Variants in KIAA0825 observed in about 807,000 individuals in gnomAD.
KIAA0825 encodes uncharacterized protein KIAA0825.
In KIAA0825, 119 loss-of-function variants were observed where a neutral mutation model predicts 147.6. The observed-to-expected ratio is 0.81, with a 90% CI of 0.69 to 0.94. KIAA0825 has a LOEUF of 0.94. KIAA0825 is among the 40% of genes least tolerant of loss of function. The pLI is 0.00. For synonymous variants in KIAA0825, 470 were observed against 518.1 expected (o/e 0.91, Z 1.26); for missense variants, 1,381 against 1,472.7 (o/e 0.94, Z 1.02).
intron 20 of KIAA0825, among the ~76,000 whole-genome samples, chr5:94,202,890 C>T (rs1771826524): frequency 6.6e-6 from 1 of 152,182 alleles, no homozygotes; most frequent in Admixed American, 6.5e-5. Flanking sequence ...TATTCTTTCT[C>T]AGAGCCTTTT....
chr5:94,225,786 C>T (rs961768351), intron 20 of KIAA0825, among the ~76,000 whole-genome samples: 2 of 152,114 alleles, frequency 1.3e-5, no homozygotes, highest in South Asian at 2.1e-4. Context: ...GACATTCTCC[C>T]AGTGGGAATA....
chr5:94,407,507 C>T (rs1369056053), intron 15 of KIAA0825, among the ~76,000 whole-genome samples: 1 of 151,988 alleles, frequency 6.6e-6, no homozygotes, highest in Non-Finnish European at 1.5e-5. Context: ...GGACTATTAA[C>T]AATAAAAAGA....
chr5:94,520,053 A>G (rs1194315406), intron 5 of KIAA0825, 195 bp downstream of exon 5: 3 of 1,137,956 alleles, frequency 2.6e-6, no homozygotes, highest in East Asian at 3.1e-5. Flanking sequence ...TAACAATTTA[A>G]TAAGAAAGAA....
At chr5:94,527,702 A>G (rs1183441550) in intron 3 of KIAA0825, among the ~76,000 whole-genome samples, 2 of 152,046 alleles carry the variant, frequency 1.3e-5, no homozygotes, top group Non-Finnish European at 2.9e-5. Context: ...TTACACTGAA[A>G]TTTCGATTCT....
chr5:94,265,358 A>C (rs1292092918), intron 20 of KIAA0825, among the ~76,000 whole-genome samples: 1 of 152,178 alleles, frequency 6.6e-6, no homozygotes, highest in Non-Finnish European at 1.5e-5. Flanking sequence ...CAATTTTTAT[A>C]CTACTACTAA....
intron 15 of KIAA0825, among the ~76,000 whole-genome samples, chr5:94,405,430 T>C (rs1408313402): frequency 1.3e-5 from 2 of 152,086 alleles, no homozygotes; most frequent in African/African-American, 2.4e-5. Context: ...AGTAAAAAGG[T>C]TTGGTTTAAA....
intron 20 of KIAA0825, among the ~76,000 whole-genome samples, chr5:94,270,999 AAGAAAAATGTATTTTTTT>A (rs1425641905): frequency 6.6e-6 from 1 of 152,178 alleles, no homozygotes; most frequent in East Asian, 1.9e-4. Context: ...TGCATTGGAG[AAGAAAAATGTATTTTTTT>A]AGAAAAATGT....
rs1784296470 is a variant in KIAA0825, at chr5:94,356,654, A to G, written c.3710+27714T>C. 2.0e-5 allele frequency among the ~76,000 whole-genome samples: 3 copies of G among 150,938 alleles called. No individual in the cohort carries two copies. The South Asian group carries it at 6.2e-4, about 31-fold the overall frequency. ...AAAAAAACACATGAACTACATATTC[A>G]TTTGAAAATTTCATTTTGTCATGGG... is the stretch of plus-strand genomic sequence containing the variant. On this transcript the variant is annotated intron_variant, in intron 20 of 20. Coordinates refer to ENST00000682413, the MANE Select transcript of KIAA0825 (RefSeq NM_001145678.3).
At chr5:94,194,111 C>G (rs745616422) in intron 20 of KIAA0825, among the ~76,000 whole-genome samples, 3 of 152,164 alleles carry the variant, frequency 2.0e-5, no homozygotes, top group Non-Finnish European at 2.9e-5. Flanking sequence ...CCTTCCAGGG[C>G]TCACTTTGGA....
In KIAA0825 at chr5:94,523,958, C is replaced by T. The variant is rs1328813537; in HGVS notation, c.272G>A (p.Gly91Glu). The change falls in exon 4 of 21, where the codon GGA becomes GAA. Residue 91 changes from glycine to glutamate, a missense_variant. Coordinates refer to ENST00000682413, the MANE Select transcript of KIAA0825 (RefSeq NM_001145678.3). ...STSESSFISH[G>E]DLIKFFKTLQ... ...TGTTTTGAAAAATTTTATCAAGTCT[C>T]CATGAGAAATGAAAGATGATTCAGA... 6.2e-7 allele frequency: 1 copy of T among 1,601,972 alleles called. No homozygotes were observed. Among genetic ancestry groups the T allele is most frequent in the African/African-American group, 1.3e-5 (1 of 74,372 alleles).
chr5:94,245,393 G>C (rs534622738), intron 20 of KIAA0825, among the ~76,000 whole-genome samples: 1 of 152,246 alleles, frequency 6.6e-6, no homozygotes, highest in East Asian at 1.9e-4. Flanking sequence ...AGAGATGAAT[G>C]GTTTAAAACT....
At chr5:94,216,040 C>G (rs771979976) in intron 20 of KIAA0825, among the ~76,000 whole-genome samples, 1 of 152,122 alleles carries the variant, frequency 6.6e-6, no homozygotes, top group Non-Finnish European at 1.5e-5. Flanking sequence ...ATGCCGGGTT[C>G]CTCTACCATG....
chr5:94,469,816 G>C (rs1760997995), intron 10 of KIAA0825, 145 bp downstream of exon 10: 1 of 607,044 alleles, frequency 1.6e-6, no homozygotes, highest in African/African-American at 1.9e-5. Flanking sequence ...TTTTTCCTAA[G>C]TATGAATTCA....
intron 20 of KIAA0825, among the ~76,000 whole-genome samples, chr5:94,286,910 TC>T (rs1777685170): frequency 2.0e-5 from 3 of 152,232 alleles, no homozygotes; most frequent in Middle Eastern, 3.4e-3. Context: ...GGGCTCTGAC[TC>T]CTATTGCCCA....
chr5:94,608,683 T>C (rs1788124353), intron 1 of KIAA0825, among the ~76,000 whole-genome samples: 1 of 148,462 alleles, frequency 6.7e-6, no homozygotes, highest in Non-Finnish European at 1.5e-5. Flanking sequence ...CTACATATTT[T>C]CTCAAAATTA....
At chr5:94,407,618 T>C (rs76515709) in intron 15 of KIAA0825, among the ~76,000 whole-genome samples, 6,727 of 152,272 alleles carry the variant, frequency 0.044, 193 homozygotes, top group East Asian at 0.11. Context: ...TGATTCCATT[T>C]ATACAGAAGT....
chr5:94,340,582 T>C (rs1037451300), intron 20 of KIAA0825, among the ~76,000 whole-genome samples: 99 of 152,326 alleles, frequency 6.5e-4, no homozygotes, highest in Non-Finnish European at 8.8e-4. Context: ...TGGAAGACAA[T>C]AGACCAGTCT....
chr5:94,576,109 T>C (rs1284829311), intron 2 of KIAA0825, among the ~76,000 whole-genome samples: 2 of 152,178 alleles, frequency 1.3e-5, no homozygotes, highest in East Asian at 1.9e-4. Context: ...TGAGAAAAGA[T>C]AGTGCTCAGA....
At chr5:94,237,744 G>A (rs1336625327) in intron 20 of KIAA0825, among the ~76,000 whole-genome samples, 2 of 152,134 alleles carry the variant, frequency 1.3e-5, no homozygotes, top group African/African-American at 4.8e-5. Flanking sequence ...TACACAACAA[G>A]TAGTATTATA....
Sources: gnomAD v4.1 joint callset for allele counts (sites outside exome capture counted in the v4.1 genomes callset) on GRCh38, gnomAD v4.1.1 for gene constraint, MANE v1.5 for transcripts, NCBI Gene and HGNC (gene_info 2026-07-23, HGNC 2026-07-21) for gene names.